Variants in TMEM43 observed in about 807,000 individuals in gnomAD.
The protein encoded by TMEM43 is arrhythmogenic right ventricular dysplasia 5.
TMEM43 carries 45 observed loss-of-function variants against 49.6 expected under a neutral mutation model. The observed-to-expected ratio is 0.91, with a 90% CI of 0.71 to 1.16. The LOEUF (loss-of-function observed/expected upper bound fraction) is 1.16, where lower values mean the gene tolerates loss of function less well. Ranked by LOEUF, TMEM43 falls within the 50% of genes most tolerant of loss-of-function variation. The probability of loss-of-function intolerance (pLI) is 0.00; values close to 1 mark genes in which losing one functional copy is unlikely to be tolerated. For missense variants in TMEM43, 532 were observed against 516.6 expected (o/e 1.03, Z -0.29); for synonymous variants, 199 against 207.8 (o/e 0.96, Z 0.36).
chr3:14,139,095 G>T, intron 10 of TMEM43, 85 bp from the exon 11 acceptor site: 3 of 973,214 alleles, frequency 3.1e-6, no homozygotes, highest in South Asian at 1.3e-5. Context: ...CTCCCGAGTT[G>T]GTACAGCCCC....
Position 14,142,630 on chromosome 3 carries a change from A to C in TMEM43, c.*835A>C, listed in dbSNP as rs1488226038. 4.6e-5 allele frequency: 7 copies of C among 152,706 alleles called. No individual in the cohort carries two copies. Among genetic ancestry groups the C allele is most frequent in the Non-Finnish European group, 1.0e-4 (7 of 68,048 alleles). The allele number at this position is 152,706 out of a possible 1,614,324, so 9.5% of individuals were successfully genotyped here. A position where few individuals can be genotyped will look rare whatever the true frequency, so the allele number is the denominator to read the frequency against. ...ACCCTTTAGTCTGTCAGTTGAATTCAGAGCACTGAAAGGTGTTAAATTGGG... is the reference window on the plus strand; with the variant it reads ...ACCCTTTAGTCTGTCAGTTGAATTCCGAGCACTGAAAGGTGTTAAATTGGG... On this transcript the variant is annotated 3_prime_UTR_variant, in exon 12 of 12. Transcript: ENST00000306077.
intron 4 of TMEM43, among the ~76,000 whole-genome samples, chr3:14,132,100 T>A (rs1695104127): frequency 6.6e-6 from 1 of 152,178 alleles, no homozygotes; most frequent in Non-Finnish European, 1.5e-5. Context: ...AGGTTCTCAT[T>A]GATCAGGGCT....
intron 1 of TMEM43, 146 bp from the exon 2 acceptor site, chr3:14,129,266 A>T: frequency 1.6e-6 from 1 of 640,064 alleles, no homozygotes; most frequent in Non-Finnish European, 2.5e-6. Context: ...GCCAAACTGT[A>T]CATTGAATAT....
At chr3:14,134,737 C>A in intron 7 of TMEM43, 33 bp from the exon 8 acceptor site, 1 of 1,613,766 alleles carries the variant, frequency 6.2e-7, no homozygotes, top group South Asian at 1.1e-5. Flanking sequence ...TTCACCTGGT[C>A]CCCTGGGTTT....
At chr3:14,132,509 G>A (rs765528284) in intron 4 of TMEM43, 37 bp from the exon 5 acceptor site, 23 of 1,613,570 alleles carry the variant, frequency 1.4e-5, no homozygotes, top group South Asian at 7.7e-5. Context: ...CTGGGGCGAC[G>A]AGGCTAACCC....
chr3:14,129,278 T>G, intron 1 of TMEM43, 134 bp from the exon 2 acceptor site: 1 of 681,982 alleles, frequency 1.5e-6, no homozygotes, highest in Non-Finnish European at 2.3e-6. Flanking sequence ...ATTGAATATC[T>G]GTGTGTTTTT....
chr3:14,136,459 G>A (rs538885039), intron 10 of TMEM43, among the ~76,000 whole-genome samples: 2 of 152,188 alleles, frequency 1.3e-5, no homozygotes, highest in South Asian at 4.1e-4. Flanking sequence ...GCATCGTGCC[G>A]AGTGTTGGAA....
rs1695253765 is a variant in TMEM43 at position 14,141,890 on chromosome 3, G to T, written c.*95G>T. ...GCTCCATGCCAGAGCAGGAGCCCCGGTCAATTTTGGACTCTGCACTCCCTC... is the reference window on the plus strand; with the variant it reads ...GCTCCATGCCAGAGCAGGAGCCCCGTTCAATTTTGGACTCTGCACTCCCTC... On this transcript the variant is annotated 3_prime_UTR_variant, in exon 12 of 12. Transcript: ENST00000306077. 11 of 1,332,360 alleles carry T rather than the reference G, an allele frequency of 8.3e-6. No individual in the cohort carries two copies. Among genetic ancestry groups the T allele is most frequent in the Non-Finnish European group, 1.1e-5 (11 of 972,378 alleles). The allele number at this position is 1,332,360 out of a possible 1,614,324, so 82.5% of individuals were successfully genotyped here.
chr3:14,135,218 G>A lies in TMEM43; in HGVS notation c.766G>A (p.Gly256Ser). The A allele has an allele frequency of 1.2e-6, 2 of 1,612,308 alleles. No individual in the cohort carries two copies. Among genetic ancestry groups the A allele is most frequent in the Non-Finnish European group, 1.7e-6 (2 of 1,179,978 alleles). ...ACTGAGCGGCGATGACCCTGACCTGGGCCCAGCTCACGTGGTAACCTGGCT... is the reference window on the plus strand; with the variant it reads ...ACTGAGCGGCGATGACCCTGACCTGAGCCCAGCTCACGTGGTAACCTGGCT... ...AGLSGDDPDL[G>S]PAHVVTVIAR... The change falls in exon 9 of 12, where the codon GGC becomes AGC. Residue 256 changes from glycine (G) to serine (S), a missense_variant. Coordinates refer to ENST00000306077, the MANE Select transcript of TMEM43 (RefSeq NM_024334.3).
intron 11 of TMEM43, among the ~76,000 whole-genome samples, 159 bp downstream of exon 11, chr3:14,139,456 G>A (rs1452223949): frequency 6.6e-6 from 1 of 152,358 alleles, no homozygotes; most frequent in East Asian, 1.9e-4. Context: ...GCCTTGGGAT[G>A]AGGGAGCAGA....
At chr3:14,135,363 C>G in intron 9 of TMEM43, 131 bp downstream of exon 9, 1 of 781,136 alleles carries the variant, frequency 1.3e-6, no homozygotes, top group Non-Finnish European at 2.2e-6. Flanking sequence ...CGCACACACT[C>G]TCAGCCAGGC....
At chr3:14,133,077 C>CA in intron 6 of TMEM43, 142 bp downstream of exon 6, 1 of 733,868 alleles carries the variant, frequency 1.4e-6, no homozygotes, top group Non-Finnish European at 2.4e-6. Flanking sequence ...AGACCAAGCC[C>CA]TGTGCTGGGC....
chr3:14,134,634 CAG>C (rs1695142265), intron 7 of TMEM43, 134 bp from the exon 8 acceptor site: 1 of 1,185,512 alleles, frequency 8.4e-7, no homozygotes, highest in Admixed American at 1.8e-5. Flanking sequence ...GAGACAGAGT[CAG>C]AAAGAGGCAC....
At position 14,130,926 on chromosome 3, in the gene TMEM43, GCAC is replaced by G. The variant is rs1559360578; in HGVS notation, c.268_270del (p.His90del). ...CTCCGGAGAATGAAGGAAGGCTGGT[GCAC>G]ATCATTGGCGCCTTACGGACATCCA... On this transcript the variant is annotated inframe_deletion, in exon 3 of 12. Transcript: ENST00000306077. 6.2e-7 allele frequency: 1 copy of G among 1,613,216 alleles called. No individual in the cohort carries two copies. Among genetic ancestry groups the G allele is most frequent in the South Asian group, 1.1e-5 (1 of 91,022 alleles).
chr3:14,139,853 G>A (rs183483427), intron 11 of TMEM43, among the ~76,000 whole-genome samples: 2 of 152,324 alleles, frequency 1.3e-5, no homozygotes, highest in East Asian at 3.9e-4. Flanking sequence ...TCCTTGACCT[G>A]AGGTTGGCAC....
intron 4 of TMEM43, among the ~76,000 whole-genome samples, chr3:14,132,226 C>T (rs1475412323): frequency 1.3e-5 from 2 of 152,198 alleles, no homozygotes; most frequent in Non-Finnish European, 2.9e-5. Flanking sequence ...AGGCCCCCCG[C>T]AGGGCTGTCC....
At chr3:14,140,115 G>A (rs1695228257) in intron 11 of TMEM43, among the ~76,000 whole-genome samples, 1 of 152,212 alleles carries the variant, frequency 6.6e-6, no homozygotes, top group Admixed American at 6.5e-5. Context: ...GTCTGAGCTG[G>A]GGGGACCACC....
chr3:14,133,659 T>G (rs767111742), intron 6 of TMEM43, 80 bp from the exon 7 acceptor site: 3 of 1,372,056 alleles, frequency 2.2e-6, no homozygotes, highest in Non-Finnish European at 3.1e-6. Context: ...GTGGGGACCC[T>G]GCCCAGCACA....
chr3:14,125,262 T>C (rs1695002369), intron 1 of TMEM43, 57 bp downstream of exon 1: 2 of 1,567,928 alleles, frequency 1.3e-6, no homozygotes, highest in Admixed American at 3.7e-5. Context: ...CCCTGGGGCT[T>C]TTCCCCGGGG....
Sources: allele counts gnomAD v4.1 joint callset (sites outside exome capture counted in the v4.1 genomes callset), GRCh38; gene constraint gnomAD v4.1.1; transcripts MANE v1.5; gene names NCBI Gene and HGNC (gene_info 2026-07-23, HGNC 2026-07-21).